Variants in GPC6 observed in about 807,000 individuals in gnomAD.
GPC6 encodes the protein glypican 6, also known as glypican-6.
In GPC6, 14 loss-of-function variants were observed where a neutral mutation model predicts 55.2. That is an observed-to-expected ratio of 0.25 (90% CI 0.17 to 0.40). The LOEUF (loss-of-function observed/expected upper bound fraction) is 0.40, where lower values mean the gene tolerates loss of function less well. Among genes scored for constraint, GPC6 ranks in the 10% least tolerant of loss-of-function variants. The pLI is 1.00. For missense variants in GPC6, 641 were observed against 708.5 expected (o/e 0.90, Z 1.08); for synonymous variants, 278 against 259.6 (o/e 1.07, Z -0.68).
chr13:93,825,271 T>C (rs1887190766), intron 2 of GPC6, among the ~76,000 whole-genome samples: 1 of 152,086 alleles, frequency 6.6e-6, no homozygotes, highest in African/African-American at 2.4e-5. Context: ...CCAGGCATAC[T>C]ACTTAATAAT....
intron 2 of GPC6, among the ~76,000 whole-genome samples, chr13:93,552,181 T>C (rs997769931): frequency 6.6e-6 from 1 of 152,152 alleles, no homozygotes; most frequent in African/African-American, 2.4e-5. Flanking sequence ...TGAACTGAGT[T>C]TTAGAAATTA....
chr13:94,298,210 G>T (rs529719453), intron 5 of GPC6, among the ~76,000 whole-genome samples: 25 of 152,210 alleles, frequency 1.6e-4, no homozygotes, highest in African/African-American at 6.0e-4. Context: ...AATTTCTAAG[G>T]TGCCAGTTAT....
intron 1 of GPC6, among the ~76,000 whole-genome samples, chr13:93,302,792 G>C (rs183828724): frequency 5.3e-4 from 80 of 152,296 alleles, no homozygotes; most frequent in African/African-American, 1.8e-3. Flanking sequence ...GGAGAAGGCA[G>C]AGTACCGTAA....
At chr13:93,575,268 G>C (rs1167046271) in intron 2 of GPC6, among the ~76,000 whole-genome samples, 4 of 152,090 alleles carry the variant, frequency 2.6e-5, no homozygotes, top group Non-Finnish European at 4.4e-5. Flanking sequence ...TCCAGCCTGG[G>C]GTATAGAACG....
chr13:94,169,515 A>C (rs10161800), intron 4 of GPC6, among the ~76,000 whole-genome samples: 9,423 of 152,236 alleles, frequency 0.062, 561 homozygotes, highest in East Asian at 0.29. Context: ...CTGGAAGATT[A>C]AAAGGACAGT....
chr13:94,346,265 C>A (rs1878283511), intron 6 of GPC6, among the ~76,000 whole-genome samples: 1 of 152,174 alleles, frequency 6.6e-6, no homozygotes. Flanking sequence ...CAACCCATAA[C>A]AGGCATTTAT....
At chr13:93,621,288 C>A (rs1257854520) in intron 2 of GPC6, among the ~76,000 whole-genome samples, 2 of 152,118 alleles carry the variant, frequency 1.3e-5, no homozygotes, top group African/African-American at 4.8e-5. Flanking sequence ...AACCTGTTGG[C>A]CTTCACCTTA....
At chr13:93,257,254 G>A (rs1446760308) in intron 1 of GPC6, among the ~76,000 whole-genome samples, 1 of 152,006 alleles carries the variant, frequency 6.6e-6, no homozygotes, top group African/African-American at 2.4e-5. Context: ...AATAAGCTAT[G>A]ATCATACCAC....
chr13:94,202,758 G>A (rs1341644260), intron 4 of GPC6, among the ~76,000 whole-genome samples: 3 of 152,158 alleles, frequency 2.0e-5, no homozygotes, highest in Non-Finnish European at 4.4e-5. Flanking sequence ...GGAGACATCT[G>A]TTCAGAATGG....
intron 6 of GPC6, among the ~76,000 whole-genome samples, chr13:94,380,000 G>C (rs1024749170): frequency 6.6e-6 from 1 of 152,146 alleles, no homozygotes. Flanking sequence ...AGAAGACAAC[G>C]TTTGAGAATA....
intron 1 of GPC6, among the ~76,000 whole-genome samples, chr13:93,412,198 T>C (rs1427558167): frequency 6.6e-6 from 1 of 152,104 alleles, no homozygotes; most frequent in Non-Finnish European, 1.5e-5. Flanking sequence ...TAGTGTTAGC[T>C]TTATTGTACA....
chr13:93,293,256 T>TA (rs1223966432), intron 1 of GPC6, among the ~76,000 whole-genome samples: 1 of 152,062 alleles, frequency 6.6e-6, no homozygotes, highest in Non-Finnish European at 1.5e-5. Flanking sequence ...AAAAAACAAT[T>TA]AAAAATTATG....
chr13:94,156,687 C>T (rs1887957169), intron 4 of GPC6, among the ~76,000 whole-genome samples: 1 of 152,192 alleles, frequency 6.6e-6, no homozygotes, highest in Non-Finnish European at 1.5e-5. Context: ...GTCATACCAA[C>T]TAATTTGAAT....
chr13:93,449,028 G>A (rs1006679876), intron 1 of GPC6, among the ~76,000 whole-genome samples: 1 of 152,236 alleles, frequency 6.6e-6, no homozygotes, highest in African/African-American at 2.4e-5. Flanking sequence ...TAAGGGCACT[G>A]TACTGTGTAA....
chr13:93,744,111 T>G (rs1407663271), intron 2 of GPC6, among the ~76,000 whole-genome samples: 2 of 152,184 alleles, frequency 1.3e-5, no homozygotes, highest in Non-Finnish European at 2.9e-5. Context: ...TTATTCTCAG[T>G]TTTTGCCAAT....
chr13:93,440,126 A>T (rs1226679607), intron 1 of GPC6, among the ~76,000 whole-genome samples: 1 of 152,204 alleles, frequency 6.6e-6, no homozygotes, highest in Non-Finnish European at 1.5e-5. Context: ...TGGCCATATA[A>T]TATCTTGAGA....
intron 2 of GPC6, among the ~76,000 whole-genome samples, chr13:93,693,757 G>A (rs888899839): frequency 6.6e-6 from 1 of 152,090 alleles, no homozygotes; most frequent in Non-Finnish European, 1.5e-5. Context: ...AAATTGTTGG[G>A]ATTACAGGAG....
intron 6 of GPC6, among the ~76,000 whole-genome samples, chr13:94,315,879 ATG>A (rs1305147008): frequency 5.3e-5 from 8 of 152,352 alleles, no homozygotes; most frequent in African/African-American, 1.9e-4. Flanking sequence ...CATGGCCTGC[ATG>A]TGGCCCAGGA....
intron 2 of GPC6, among the ~76,000 whole-genome samples, chr13:93,720,359 G>T (rs9556318): frequency 0.036 from 5,480 of 152,024 alleles, 301 homozygotes; most frequent in East Asian, 0.28. Context: ...TTGCATAGAG[G>T]TGTTTGTAGT....
Sources: gnomAD v4.1 joint callset for allele counts (sites outside exome capture counted in the v4.1 genomes callset) on GRCh38, gnomAD v4.1.1 for gene constraint, MANE v1.5 for transcripts, NCBI Gene and HGNC (gene_info 2026-07-23, HGNC 2026-07-21) for gene names.